EXOC4: variants seen among roughly 807,000 people sequenced by gnomAD.
The protein encoded by EXOC4 is exocyst complex component 4.
Under a neutral mutation model 107.2 loss-of-function variants are expected in EXOC4, and 71 were observed. The ratio of observed to expected loss-of-function variants is 0.66; its 90% CI spans 0.55 to 0.81. The LOEUF (loss-of-function observed/expected upper bound fraction) is 0.81, where lower values mean the gene tolerates loss of function less well. Among genes scored for constraint, EXOC4 ranks in the 30% least tolerant of loss-of-function variants. The pLI is 0.00. For missense variants in EXOC4, 1,108 were observed against 1,189.6 expected (o/e 0.93, Z 1.01); for synonymous variants, 456 against 441.2 (o/e 1.03, Z -0.42).
intron 9 of EXOC4, among the ~76,000 whole-genome samples, chr7:133,600,414 C>T (rs547915392): frequency 7.9e-5 from 12 of 152,212 alleles, no homozygotes; most frequent in South Asian, 4.1e-4. Context: ...TTAGTAGCTA[C>T]GTTATTATAA....
At chr7:133,603,610 G>T (rs534639706) in intron 9 of EXOC4, among the ~76,000 whole-genome samples, 5 of 152,056 alleles carry the variant, frequency 3.3e-5, no homozygotes, top group Non-Finnish European at 7.4e-5. Context: ...GTAACAAAAC[G>T]GGTATTTGTC....
At chr7:133,270,572 A>AT (rs1254213258) in intron 1 of EXOC4, among the ~76,000 whole-genome samples, 1 of 152,180 alleles carries the variant, frequency 6.6e-6, no homozygotes. Context: ...AGGAATAGAC[A>AT]TTTTTTTGTG....
intron 17 of EXOC4, among the ~76,000 whole-genome samples, chr7:134,040,439 C>T (rs1377955506): frequency 6.6e-6 from 1 of 152,186 alleles, no homozygotes; most frequent in Admixed American, 6.5e-5. Flanking sequence ...CTTCAACTCC[C>T]AGCCTTCAAA....
chr7:133,604,305 T>C (rs1346160885), intron 9 of EXOC4, among the ~76,000 whole-genome samples: 2 of 152,334 alleles, frequency 1.3e-5, no homozygotes, highest in Admixed American at 6.5e-5. Context: ...AGTAAATACA[T>C]AAACCATATC....
chr7:133,462,675 A>C (rs557488779), intron 7 of EXOC4, among the ~76,000 whole-genome samples: 1 of 152,304 alleles, frequency 6.6e-6, no homozygotes, highest in South Asian at 2.1e-4. Flanking sequence ...AGCTTTAAAA[A>C]AATTTTTTAT....
At chr7:134,053,792 T>G (rs1795856407) in intron 17 of EXOC4, among the ~76,000 whole-genome samples, 1 of 152,018 alleles carries the variant, frequency 6.6e-6, no homozygotes, top group South Asian at 2.1e-4. Flanking sequence ...TCCTCCAACC[T>G]CCTGTCCCTT....
chr7:133,506,907 T>C (rs1194036288), intron 9 of EXOC4, among the ~76,000 whole-genome samples: 1 of 152,104 alleles, frequency 6.6e-6, no homozygotes, highest in Non-Finnish European at 1.5e-5. Context: ...CTCTTTCCTA[T>C]TTTTATTGGA....
At chr7:133,366,294 C>T (rs532403685) in intron 6 of EXOC4, among the ~76,000 whole-genome samples, 24 of 152,172 alleles carry the variant, frequency 1.6e-4, no homozygotes, top group Non-Finnish European at 2.9e-5. Flanking sequence ...CATGGTAGCA[C>T]TTGAAGATGA....
intron 9 of EXOC4, among the ~76,000 whole-genome samples, chr7:133,539,121 T>G (rs1052949014): frequency 2.6e-5 from 4 of 152,062 alleles, no homozygotes; most frequent in African/African-American, 9.7e-5. Context: ...ACCTCATTAC[T>G]TCTAGAAAGA....
intron 12 of EXOC4, among the ~76,000 whole-genome samples, chr7:133,914,571 C>T (rs1470995720): frequency 2.6e-5 from 4 of 151,894 alleles, no homozygotes; most frequent in Non-Finnish European, 5.9e-5. Context: ...GTGATATGTG[C>T]AAGTAAGAAC....
intron 7 of EXOC4, among the ~76,000 whole-genome samples, chr7:133,412,916 G>T (rs1797395861): frequency 6.6e-6 from 1 of 152,028 alleles, no homozygotes; most frequent in Non-Finnish European, 1.5e-5. Flanking sequence ...GAAGGACTCT[G>T]TATCTTTCTT....
chr7:134,066,921 G>A (rs1297082051), downstream of EXOC4, among the ~76,000 whole-genome samples: 1 of 152,108 alleles, frequency 6.6e-6, no homozygotes, highest in Non-Finnish European at 1.5e-5. Context: ...GGGAGGCTGA[G>A]GCAGGCAGAT....
chr7:134,072,968 G>A, the EXOC4 span, among the ~76,000 whole-genome samples: 12 of 151,436 alleles, frequency 7.9e-5, no homozygotes, highest in Non-Finnish European at 1.8e-4. Context: ...ACTTTGGGAG[G>A]CCGAGGCAGG....
intron 14 of EXOC4, among the ~76,000 whole-genome samples, chr7:133,976,029 G>GCAGT (rs1343514292): frequency 6.6e-6 from 1 of 152,162 alleles, no homozygotes; most frequent in East Asian, 1.9e-4. Flanking sequence ...GAAAAGCCCT[G>GCAGT]CAGTCAATCA....
intron 4 of EXOC4, among the ~76,000 whole-genome samples, chr7:133,311,230 AG>A (rs1353508270): frequency 6.6e-6 from 1 of 152,178 alleles, no homozygotes; most frequent in Non-Finnish European, 1.5e-5. Flanking sequence ...AGAATTGTGA[AG>A]GGAGGTTATG....
At chr7:133,712,439 C>CAAAA (rs58629398) in intron 10 of EXOC4, among the ~76,000 whole-genome samples, 5 of 30,226 alleles carry the variant, frequency 1.7e-4, no homozygotes, top group African/African-American at 6.9e-4. Context: ...AACTCTGTCT[C>CAAAA]AAAAAAAAAA....
chr7:133,524,103 C>G (rs1234109971), intron 9 of EXOC4, among the ~76,000 whole-genome samples: 3 of 141,336 alleles, frequency 2.1e-5, no homozygotes, highest in East Asian at 2.1e-4. Flanking sequence ...TCTCCAGCAC[C>G]TGTTGTTTCC....
chr7:133,907,716 G>A (rs866643912), intron 12 of EXOC4, among the ~76,000 whole-genome samples: 2 of 152,118 alleles, frequency 1.3e-5, no homozygotes, highest in Non-Finnish European at 2.9e-5. Flanking sequence ...GCAGGTTCCT[G>A]TAATCCCTTC....
rs767757991 is a variant in EXOC4 at position 133,514,165 on chromosome 7, G to GTT, written c.1417+34037_1417+34038dup. 1.7e-3 allele frequency among the ~76,000 whole-genome samples: 244 copies of GTT among 144,882 alleles called. 1 individual carries two copies. The highest frequency in any genetic ancestry group is 5.9e-3 in the African/African-American group (236 of 39,782). On this transcript the variant is annotated intron_variant, in intron 9 of 17. Transcript: ENST00000253861. ...CCATCTTATTGGAACATCGTTTTTT[G>GTT]TTTTTTTTTTTCTTTTGAGACAGGA...
Sources: allele counts gnomAD v4.1 joint callset (sites outside exome capture counted in the v4.1 genomes callset), GRCh38; gene constraint gnomAD v4.1.1; transcripts MANE v1.5; gene names NCBI Gene and HGNC (gene_info 2026-07-23, HGNC 2026-07-21).